Variants in CLEC2A observed in about 807,000 individuals in gnomAD.
CLEC2A encodes keratinocyte-associated C-type lectin.
Under a neutral mutation model 18.6 loss-of-function variants are expected in CLEC2A, and 19 were observed. The observed-to-expected ratio is 1.02, with a 90% CI of 0.71 to 1.50. CLEC2A has a LOEUF of 1.50. CLEC2A is among the 40% of genes most tolerant of loss of function. CLEC2A has a pLI of 0.00. For missense variants in CLEC2A, 190 were observed against 207.9 expected, an observed-to-expected ratio of 0.91 and a Z score of 0.53; for synonymous variants, 74 against 64.0, an observed-to-expected ratio of 1.16 and a Z score of -0.75.
chr12:9,888,054 CAAAAAA>C, the CLEC2A span, among the ~76,000 whole-genome samples: 2 of 65,526 alleles, frequency 3.1e-5, no homozygotes, highest in Admixed American at 2.0e-4. Context: ...GACCCTGTGT[CAAAAAA>C]AAAAAAAAAA....
At chr12:9,894,114 TC>T, downstream of CLEC2A, among the ~76,000 whole-genome samples, 2 of 129,870 alleles carry the variant, frequency 1.5e-5, no homozygotes, top group Non-Finnish European at 3.2e-5. Flanking sequence ...TTTTTCTTTT[TC>T]TTTCTTTTCT....
chr12:9,894,092 T>C (rs1211455675), downstream of CLEC2A, among the ~76,000 whole-genome samples: 1 of 151,600 alleles, frequency 6.6e-6, no homozygotes, highest in African/African-American at 2.4e-5. Flanking sequence ...TCTTCTTCTT[T>C]CTCTTTCTCT....
the CLEC2A span, among the ~76,000 whole-genome samples, chr12:9,883,247 G>A: frequency 2.6e-5 from 4 of 152,088 alleles, no homozygotes; most frequent in South Asian, 8.3e-4. Context: ...TCCTAAATCA[G>A]AAAAAATATT....
At chr12:9,931,467 A>T (rs555372397) in intron 1 of CLEC2A, among the ~76,000 whole-genome samples, 2 of 152,336 alleles carry the variant, frequency 1.3e-5, no homozygotes, top group South Asian at 4.1e-4. Context: ...CACTGAAAAC[A>T]TTCTAGTATA....
chr12:9,882,257 G>A, the CLEC2A span, among the ~76,000 whole-genome samples: 1 of 123,082 alleles, frequency 8.1e-6, no homozygotes, highest in African/African-American at 3.6e-5. Context: ...AGAATTACCA[G>A]TCGCAGTGGC....
intron 3 of CLEC2A, among the ~76,000 whole-genome samples, chr12:9,920,031 C>T (rs1366504538): frequency 1.3e-5 from 2 of 152,332 alleles, no homozygotes; most frequent in South Asian, 2.1e-4. Context: ...AGCCTGAAGG[C>T]TGGATGGCTA....
intron 2 of CLEC2A, among the ~76,000 whole-genome samples, chr12:9,925,361 A>G (rs1863251322): frequency 6.6e-6 from 1 of 152,248 alleles, no homozygotes; most frequent in South Asian, 2.1e-4. Flanking sequence ...AATTAAAGGA[A>G]TGCTACAATT....
downstream of CLEC2A, among the ~76,000 whole-genome samples, chr12:9,912,613 G>A (rs1863003700): frequency 6.6e-6 from 1 of 151,166 alleles, no homozygotes; most frequent in African/African-American, 2.4e-5. Flanking sequence ...AAAAATCTAT[G>A]CTCACAGATG....
At chr12:9,888,270 C>G in the CLEC2A span, among the ~76,000 whole-genome samples, 1 of 151,638 alleles carries the variant, frequency 6.6e-6, no homozygotes, top group Non-Finnish European at 1.5e-5. Context: ...GCGGGCGGAT[C>G]ACGAGGTCAG....
downstream of CLEC2A, among the ~76,000 whole-genome samples, chr12:9,908,914 CT>C (rs372308845): frequency 6.6e-5 from 10 of 152,102 alleles, no homozygotes; most frequent in African/African-American, 2.2e-4. Context: ...TTGGAGCCCC[CT>C]GTTGATAGGT....
chr12:9,914,554 A>C (rs1218069962), intron 4 of CLEC2A, among the ~76,000 whole-genome samples: 1 of 152,234 alleles, frequency 6.6e-6, no homozygotes, highest in Admixed American at 6.5e-5. Flanking sequence ...CTCAGAAATA[A>C]TGCCACACAT....
chr12:9,916,648 T>G, intron 4 of CLEC2A, 52 bp downstream of exon 4: 1 of 1,164,946 alleles, frequency 8.6e-7, no homozygotes, highest in East Asian at 2.5e-5. Flanking sequence ...GATTTAAAAT[T>G]TTTCATATGA....
downstream of CLEC2A, among the ~76,000 whole-genome samples, chr12:9,897,628 T>C (rs1862771290): frequency 6.7e-6 from 1 of 149,500 alleles, no homozygotes; most frequent in Non-Finnish European, 1.5e-5. Context: ...TACCAGGCGA[T>C]CACACACACA....
downstream of CLEC2A, among the ~76,000 whole-genome samples, chr12:9,910,009 G>A (rs1048581714): frequency 9.2e-5 from 14 of 152,078 alleles, no homozygotes; most frequent in South Asian, 6.2e-4. Flanking sequence ...GGTAAAGGAG[G>A]ACAGGTCCTT....
chr12:9,878,470 T>G, the CLEC2A span, among the ~76,000 whole-genome samples: 10 of 152,154 alleles, frequency 6.6e-5, no homozygotes, highest in Non-Finnish European at 1.3e-4. Context: ...GTAATGAATT[T>G]ACTAGGGAAA....
chr12:9,888,711 CT>C, the CLEC2A span: 2 of 1,387,732 alleles, frequency 1.4e-6, no homozygotes, highest in Non-Finnish European at 2.0e-6. Context: ...TTTCTCATAT[CT>C]TTTCTTTGCA....
the CLEC2A span, among the ~76,000 whole-genome samples, chr12:9,889,057 A>G: frequency 6.0e-4 from 91 of 152,300 alleles, no homozygotes; most frequent in African/African-American, 2.1e-3. Context: ...TAACTTGCCA[A>G]ATATTTATCG....
At chr12:9,902,768 G>T (rs769886068) in intron 4 of CLEC2A, among the ~76,000 whole-genome samples, 2 of 152,134 alleles carry the variant, frequency 1.3e-5, no homozygotes, top group African/African-American at 2.4e-5. Context: ...AGCCACCATC[G>T]CAAGAGCACA....
the CLEC2A span, among the ~76,000 whole-genome samples, chr12:9,879,930 A>G: frequency 1.3e-5 from 2 of 152,236 alleles, no homozygotes; most frequent in Non-Finnish European, 2.9e-5. Flanking sequence ...CTCCGATGGC[A>G]CATGTTCGCA....
Sources: gnomAD v4.1 joint callset for allele counts (sites outside exome capture counted in the v4.1 genomes callset) on GRCh38, gnomAD v4.1.1 for gene constraint, MANE v1.5 for transcripts, NCBI Gene and HGNC (gene_info 2026-07-23, HGNC 2026-07-21) for gene names.